Variants in ME1 observed in about 807,000 individuals in gnomAD.
The protein encoded by ME1 is NADP-dependent malic enzyme.
ME1 carries 74 observed loss-of-function variants against 66.4 expected under a neutral mutation model. That is an observed-to-expected ratio of 1.11 (90% CI 0.92 to 1.35). The LOEUF is 1.35. Ranked by LOEUF, ME1 falls within the 40% of genes most tolerant of loss-of-function variation. The pLI is 0.00. For missense variants in ME1, 750 were observed against 694.1 expected, an observed-to-expected ratio of 1.08 and a Z score of -0.90; for synonymous variants, 251 against 235.6, an observed-to-expected ratio of 1.07 and a Z score of -0.60.
intron 2 of ME1, among the ~76,000 whole-genome samples, chr6:83,403,065 C>A (rs960193670): frequency 2.0e-5 from 3 of 152,164 alleles, no homozygotes; most frequent in Non-Finnish European, 4.4e-5. Context: ...TTAAGTACTG[C>A]TAACATTACA....
At position 83,349,015 on chromosome 6, in the gene ME1, A is replaced by AAAAAAAC. The variant is rs746037012; in HGVS notation, c.439-2682_439-2681insGTTTTTT. Among the ~76,000 whole-genome samples, 499 of 123,994 alleles carry AAAAAAAC rather than the reference A, an allele frequency of 4.0e-3. 68 individuals are homozygous for AAAAAAAC. Among genetic ancestry groups the AAAAAAAC allele is most frequent in the African/African-American group, 0.014 (450 of 32,216 alleles). 81.3% of individuals were successfully genotyped at this position (123,994 alleles called of 152,430 possible). A position where few individuals can be genotyped will look rare whatever the true frequency, so the allele number is the denominator to read the frequency against. ...AAAAAAAAAAAACAAAAAACAAAAA[A>AAAAAAAC]CAGTGCATTCTTTCTTATTTCTTCA... On this transcript the variant is annotated intron_variant, in intron 4 of 13. Coordinates refer to ENST00000369705, the MANE Select transcript of ME1 (RefSeq NM_002395.6).
intron 13 of ME1, among the ~76,000 whole-genome samples, chr6:83,215,196 C>G (rs900485182): frequency 6.6e-6 from 1 of 152,148 alleles, no homozygotes; most frequent in Non-Finnish European, 1.5e-5. Flanking sequence ...ATATGTGACT[C>G]TTAAATGGTG....
At position 83,211,955 on chromosome 6, in the gene ME1, A is replaced by G. The variant is rs1789897051; in HGVS notation, c.1688T>C (p.Val563Ala). 5 of 1,605,868 alleles carry G rather than the reference A, an allele frequency of 3.1e-6. No homozygotes were observed. The highest frequency in any genetic ancestry group is 4.3e-6 in the Non-Finnish European group (5 of 1,175,378). ...GTCAACTTTGGTCTGTATTTTCTGC[A>G]CCTCTTCAGGCCAAGAATAACAATC... is the stretch of plus-strand genomic sequence containing the variant. ...LPDCYSWPEE[V>A]QKIQTKVDQ Residue 563 changes from valine (V) to alanine (A), a missense_variant, in exon 14 of 14, where the codon GTG becomes GCG. By Grantham distance (64) the Val-to-Ala change is moderately conservative. Coordinates refer to ENST00000369705, the MANE Select transcript of ME1 (RefSeq NM_002395.6).
At chr6:83,228,738 G>T in intron 10 of ME1, 88 bp downstream of exon 10, 1 of 875,226 alleles carries the variant, frequency 1.1e-6, no homozygotes, top group Non-Finnish European at 1.8e-6. Flanking sequence ...ATTCAAAAAG[G>T]CTAAATTATA....
chr6:83,345,696 C>G (rs1167672759), intron 5 of ME1, among the ~76,000 whole-genome samples: 1 of 147,912 alleles, frequency 6.8e-6, no homozygotes. Flanking sequence ...AAAGGATGAG[C>G]AAAAAAAAAG....
chr6:83,359,686 A>C (rs1768970648), intron 3 of ME1, among the ~76,000 whole-genome samples: 1 of 152,162 alleles, frequency 6.6e-6, no homozygotes, highest in African/African-American at 2.4e-5. Context: ...GGTGGAATGG[A>C]TTAGTCACTT....
intron 1 of ME1, among the ~76,000 whole-genome samples, chr6:83,424,306 G>A (rs1200728077): frequency 1.3e-5 from 2 of 152,018 alleles, no homozygotes; most frequent in Non-Finnish European, 2.9e-5. Flanking sequence ...AGTTCGGTAT[G>A]TGTATCATAA....
At chr6:83,301,622 C>A (rs941895480) in intron 6 of ME1, among the ~76,000 whole-genome samples, 1 of 152,030 alleles carries the variant, frequency 6.6e-6, no homozygotes, top group East Asian at 1.9e-4. Flanking sequence ...GGATTACAGG[C>A]ACGAGCCACT....
intron 3 of ME1, among the ~76,000 whole-genome samples, chr6:83,359,811 C>A (rs1768973815): frequency 6.6e-6 from 1 of 152,186 alleles, no homozygotes; most frequent in Non-Finnish European, 1.5e-5. Context: ...CACTTGCTCT[C>A]CTCTGCATGT....
chr6:83,222,909 A>C (rs1583325799), intron 12 of ME1, among the ~76,000 whole-genome samples: 1 of 152,346 alleles, frequency 6.6e-6, no homozygotes, highest in East Asian at 1.9e-4. Context: ...TCTTTCCTCA[A>C]GGCCCAGACA....
intron 6 of ME1, among the ~76,000 whole-genome samples, chr6:83,301,478 G>A (rs1767719667): frequency 6.6e-6 from 1 of 152,034 alleles, no homozygotes; most frequent in Admixed American, 6.6e-5. Flanking sequence ...GAATAGCTGG[G>A]ATTACAGGCA....
intron 6 of ME1, among the ~76,000 whole-genome samples, chr6:83,305,182 A>G (rs1767802069): frequency 6.6e-6 from 1 of 152,168 alleles, no homozygotes; most frequent in African/African-American, 2.4e-5. Context: ...AGTTCAACAA[A>G]TATTTATTGT....
intron 6 of ME1, among the ~76,000 whole-genome samples, chr6:83,280,367 A>G (rs1027481100): frequency 9.8e-5 from 15 of 152,328 alleles, no homozygotes; most frequent in Non-Finnish European, 2.1e-4. Context: ...ACTCTGTTAT[A>G]TGGTACCTGC....
intron 5 of ME1, among the ~76,000 whole-genome samples, chr6:83,344,302 A>AT (rs1193175208): frequency 1.3e-5 from 2 of 151,786 alleles, no homozygotes; most frequent in African/African-American, 4.8e-5. Flanking sequence ...AAAAAAAAAA[A>AT]AAAGCCAAAT....
chr6:83,355,688 T>A (rs1768875823), intron 3 of ME1, among the ~76,000 whole-genome samples: 2 of 152,156 alleles, frequency 1.3e-5, no homozygotes, highest in African/African-American at 4.8e-5. Context: ...AGAAACCGAA[T>A]GAGATATCCA....
At chr6:83,370,465 C>T (rs924936655) in intron 3 of ME1, among the ~76,000 whole-genome samples, 2 of 151,972 alleles carry the variant, frequency 1.3e-5, no homozygotes, top group Non-Finnish European at 1.5e-5. Flanking sequence ...GAAAACGAGA[C>T]AATTTGAAAT....
chr6:83,258,108 T>A (rs1766817889), intron 6 of ME1, among the ~76,000 whole-genome samples: 1 of 152,196 alleles, frequency 6.6e-6, no homozygotes, highest in African/African-American at 2.4e-5. Flanking sequence ...TAGGACACAA[T>A]GTGGTCAGGC....
rs149609090 is a variant in ME1 at position 83,411,366 on chromosome 6, G to GA, written c.79-3466dup. 2.9e-3 allele frequency among the ~76,000 whole-genome samples: 376 copies of GA among 128,100 alleles called. 1 individual carries two copies. Among genetic ancestry groups the GA allele is most frequent in the Middle Eastern group, 8.2e-3 (2 of 244 alleles). 84.0% of individuals were successfully genotyped at this position (128,100 alleles called of 152,430 possible). The stretch of plus-strand genomic sequence containing the variant: ...GTGACAGAGCAAGACTCCGTCTCAA[G>GA]AAAAAAAAAAAAACTAGTCCCATGA... On this transcript the variant is annotated intron_variant, in intron 1 of 13. Transcript: ENST00000369705.
At chr6:83,378,530 T>C (rs1769337357) in intron 3 of ME1, among the ~76,000 whole-genome samples, 1 of 152,154 alleles carries the variant, frequency 6.6e-6, no homozygotes, top group Non-Finnish European at 1.5e-5. Flanking sequence ...GTAAATCAGG[T>C]TGAATGAGTC....
Sources: gnomAD v4.1 joint callset for allele counts (sites outside exome capture counted in the v4.1 genomes callset) on GRCh38, gnomAD v4.1.1 for gene constraint, MANE v1.5 for transcripts, NCBI Gene and HGNC (gene_info 2026-07-23, HGNC 2026-07-21) for gene names.